Variants in SYT9 observed in about 807,000 individuals in gnomAD.
SYT9 encodes the protein synaptotagmin-9.
Under a neutral mutation model 48.4 loss-of-function variants are expected in SYT9, and 22 were observed. The ratio of observed to expected loss-of-function variants is 0.45; its 90% CI spans 0.32 to 0.65. SYT9 has a LOEUF of 0.65. Among genes scored for constraint, SYT9 ranks in the 30% least tolerant of loss-of-function variants. The pLI is 0.03. For synonymous variants in SYT9, 265 were observed against 245.0 expected (o/e 1.08, Z -0.76); for missense variants, 577 against 622.0 (o/e 0.93, Z 0.77).
chr11:7,391,759 A>AC (rs1564887266), intron 3 of SYT9, among the ~76,000 whole-genome samples: 1 of 143,010 alleles, frequency 7.0e-6, no homozygotes, highest in South Asian at 2.3e-4. Context: ...AAAAAAAAAA[A>AC]AAAAAACCTA....
intron 6 of SYT9, among the ~76,000 whole-genome samples, chr11:7,424,835 A>C (rs1414245272): frequency 6.6e-6 from 1 of 152,202 alleles, no homozygotes; most frequent in South Asian, 2.1e-4. Flanking sequence ...AAAGTTCTGC[A>C]TGTCTGACTG....
At chr11:7,245,427 T>TG (rs1327274472) in intron 1 of SYT9, among the ~76,000 whole-genome samples, 3 of 152,060 alleles carry the variant, frequency 2.0e-5, no homozygotes, top group Non-Finnish European at 2.9e-5. Context: ...TCTCTCTTTT[T>TG]TTTTTGTTTT....
At chr11:7,455,581 C>T (rs141579486) in intron 6 of SYT9, among the ~76,000 whole-genome samples, 69 of 151,916 alleles carry the variant, frequency 4.5e-4, no homozygotes, top group African/African-American at 1.6e-3. Flanking sequence ...TCCAAGTGAT[C>T]CACCCACCTC....
chr11:7,339,571 T>C (rs1849681410), intron 3 of SYT9, among the ~76,000 whole-genome samples: 1 of 152,224 alleles, frequency 6.6e-6, no homozygotes, highest in Non-Finnish European at 1.5e-5. Context: ...CCTTAGCATT[T>C]GCTTGTCGGA....
intron 6 of SYT9, chr11:7,434,922 G>A (rs1847673576): frequency 6.6e-6 from 1 of 152,190 alleles, no homozygotes. Flanking sequence ...GCTCCTTACA[G>A]ATAATGTGGC....
At chr11:7,333,315 C>G (rs932576235) in intron 3 of SYT9, among the ~76,000 whole-genome samples, 2 of 152,176 alleles carry the variant, frequency 1.3e-5, no homozygotes, top group African/African-American at 4.8e-5. Context: ...TGTGGAGAAT[C>G]TAGGCCACTG....
intron 1 of SYT9, among the ~76,000 whole-genome samples, chr11:7,264,209 G>T (rs1429441089): frequency 6.6e-6 from 1 of 152,098 alleles, no homozygotes; most frequent in Non-Finnish European, 1.5e-5. Flanking sequence ...ATGGCAATTT[G>T]AAAATAAGAG....
intron 6 of SYT9, among the ~76,000 whole-genome samples, chr11:7,433,580 C>T (rs1044102426): frequency 6.6e-6 from 1 of 152,162 alleles, no homozygotes; most frequent in African/African-American, 2.4e-5. Context: ...ATGTTGAAAC[C>T]TAATCCCCAA....
In SYT9 at chr11:7,430,890, T is replaced by C. The variant is rs575578823; in HGVS notation, c.1467+10255T>C. Among the ~76,000 whole-genome samples the C allele has an allele frequency of 5.3e-5, 8 of 152,340 alleles. No individual in the cohort carries two copies. The South Asian group carries it at 1.7e-3, about 32-fold the overall frequency. On this transcript the variant is annotated intron_variant, in intron 6 of 6. Transcript: ENST00000318881. Reference sequence around the variant, plus strand: ...GAACTATAAGCCAATTAAACCTCCTTTCTTTATAAATTGCCCAGTCCCAGG... The same window carrying C: ...GAACTATAAGCCAATTAAACCTCCTCTCTTTATAAATTGCCCAGTCCCAGG...
intron 6 of SYT9, among the ~76,000 whole-genome samples, chr11:7,458,264 T>C (rs1848182371): frequency 6.6e-6 from 1 of 152,170 alleles, no homozygotes; most frequent in African/African-American, 2.4e-5. Flanking sequence ...GCGGATCACC[T>C]GAGGTCAGGA....
chr11:7,344,941 C>T (rs1185270579), intron 3 of SYT9, among the ~76,000 whole-genome samples: 1 of 151,432 alleles, frequency 6.6e-6, no homozygotes, highest in East Asian at 1.9e-4. Context: ...CACACACACA[C>T]ACACACACAC....
At chr11:7,379,221 A>C (rs1427848480) in intron 3 of SYT9, among the ~76,000 whole-genome samples, 1 of 152,140 alleles carries the variant, frequency 6.6e-6, no homozygotes, top group Non-Finnish European at 1.5e-5. Flanking sequence ...CTCCCTGGGG[A>C]AATAGGCAGA....
At chr11:7,417,223 T>C (rs897634798) in intron 4 of SYT9, among the ~76,000 whole-genome samples, 2 of 152,130 alleles carry the variant, frequency 1.3e-5, no homozygotes, top group Admixed American at 6.5e-5. Flanking sequence ...TCTAAGTCCC[T>C]ACTGGACTGC....
rs181319975 is a variant in SYT9, at chr11:7,468,820, T to G, written c.*2020T>G. On this transcript the variant is annotated 3_prime_UTR_variant, in exon 7 of 7. Transcript: ENST00000318881. ...AATGAGGATGCAACTGGCTTATTGGTATGAAATAGAAGGTGGCTTTGTAGG... is the reference window on the plus strand; with the variant it reads ...AATGAGGATGCAACTGGCTTATTGGGATGAAATAGAAGGTGGCTTTGTAGG... 1.3e-5 allele frequency: 2 copies of G among 152,444 alleles called. No individual in the cohort carries two copies. Among genetic ancestry groups the G allele is most frequent in the African/African-American group, 2.4e-5 (1 of 41,444 alleles). 9.4% of individuals were successfully genotyped at this position (152,444 alleles called of 1,614,324 possible).
chr11:7,412,560 G>A (rs1847158121), intron 3 of SYT9, among the ~76,000 whole-genome samples: 1 of 152,182 alleles, frequency 6.6e-6, no homozygotes, highest in Non-Finnish European at 1.5e-5. Flanking sequence ...CAGTGGTACA[G>A]CAGTGGTCTG....
At chr11:7,308,578 G>A (rs929133777) in intron 2 of SYT9, among the ~76,000 whole-genome samples, 7 of 152,184 alleles carry the variant, frequency 4.6e-5, no homozygotes, top group African/African-American at 1.2e-4. Flanking sequence ...CCTTATTGAC[G>A]TCTACAGCAT....
chr11:7,294,921 G>T (rs1848768266), intron 1 of SYT9, among the ~76,000 whole-genome samples: 1 of 152,184 alleles, frequency 6.6e-6, no homozygotes, highest in African/African-American at 2.4e-5. Flanking sequence ...TAGCATTGTG[G>T]TCCCATCCTG....
chr11:7,417,414 C>T (rs1170993787), intron 4 of SYT9, among the ~76,000 whole-genome samples: 1 of 152,180 alleles, frequency 6.6e-6, no homozygotes, highest in Non-Finnish European at 1.5e-5. Context: ...TGGCCTTTCT[C>T]TCCCTGATAT....
intron 3 of SYT9, among the ~76,000 whole-genome samples, chr11:7,335,577 T>C (rs1254320820): frequency 6.6e-6 from 1 of 152,234 alleles, no homozygotes; most frequent in Non-Finnish European, 1.5e-5. Context: ...TTTGGTTTTC[T>C]GTTCCTGTGT....
Sources: gnomAD v4.1 joint callset for allele counts (sites outside exome capture counted in the v4.1 genomes callset) on GRCh38, gnomAD v4.1.1 for gene constraint, MANE v1.5 for transcripts, NCBI Gene and HGNC (gene_info 2026-07-23, HGNC 2026-07-21) for gene names.